Variants in TPD52L1 observed in about 807,000 individuals in gnomAD.
TPD52L1 encodes tumor protein D53.
Under a neutral mutation model 28.7 loss-of-function variants are expected in TPD52L1, and 18 were observed. That is an observed-to-expected ratio of 0.63 (90% CI 0.43 to 0.93). The LOEUF (loss-of-function observed/expected upper bound fraction) is 0.93, where lower values mean the gene tolerates loss of function less well. Ranked by LOEUF, TPD52L1 falls within the 40% of genes least tolerant of loss-of-function variation. The probability of loss-of-function intolerance (pLI) is 0.00; values close to 1 mark genes in which losing one functional copy is unlikely to be tolerated. For synonymous variants in TPD52L1, 75 were observed against 88.8 expected (o/e 0.84, Z 0.88); for missense variants, 203 against 254.8 (o/e 0.80, Z 1.39).
At chr6:125,154,087 A>T in intron 1 of TPD52L1, 117 bp downstream of exon 1, 1 of 1,452,766 alleles carries the variant, frequency 6.9e-7, no homozygotes, top group Non-Finnish European at 9.2e-7. Context: ...TTGCACATCC[A>T]GAACTCCACT....
At chr6:125,222,218 A>G (rs1795288393) in intron 2 of TPD52L1, among the ~76,000 whole-genome samples, 1 of 152,252 alleles carries the variant, frequency 6.6e-6, no homozygotes. Flanking sequence ...ACAAGGACAC[A>G]TAGAAAGCCA....
rs535570308 is a variant in TPD52L1, at chr6:125,175,523, G to T, written c.19+21553G>T. Among the ~76,000 whole-genome samples, 70 of 152,164 alleles carry T rather than the reference G, an allele frequency of 4.6e-4. 1 individual carries two copies. The highest frequency in any genetic ancestry group is 1.4e-3 in the African/African-American group (58 of 41,500). On this transcript the variant is annotated intron_variant, in intron 1 of 6. Transcript: ENST00000534000. The stretch of plus-strand genomic sequence containing the variant: ...GTGTCAACATAAAGATAGAATCTAG[G>T]GTAGAACTAAGTTACCCTTCTTAAG...
chr6:125,211,718 A>G (rs1794528395), intron 1 of TPD52L1, among the ~76,000 whole-genome samples: 1 of 152,226 alleles, frequency 6.6e-6, no homozygotes, highest in Non-Finnish European at 1.5e-5. Context: ...GGGGATATAC[A>G]TCTCCCGTGG....
chr6:125,221,555 G>A (rs995731850), intron 2 of TPD52L1, among the ~76,000 whole-genome samples: 2 of 152,038 alleles, frequency 1.3e-5, no homozygotes, highest in Admixed American at 6.6e-5. Context: ...TATTTTTCTG[G>A]GCTGTAGGAT....
In TPD52L1 at chr6:125,262,939, A is replaced by G; in HGVS notation, c.592A>G (p.Lys198Glu). 1 of 1,614,068 alleles carries G rather than the reference A, an allele frequency of 6.2e-7. No homozygotes were observed. The highest frequency in any genetic ancestry group is 8.5e-7 in the Non-Finnish European group (1 of 1,179,974). The change falls in exon 7 of 7, where the codon AAG becomes GAG. Residue 198 changes from lysine to glutamate, a missense_variant. Physicochemically the swap from Lys to Glu is moderately conservative, Grantham distance 56 (BLOSUM62 1). Transcript: ENST00000534000. ...CTTGGCAGGAGGCTCCCGGCGGACC[A>G]AGGAGGAGGAGCTGCAGTGCTAAGT... ...QSLAGGSRRT[K>E]EEELQC
At chr6:125,165,966 G>A (rs536678417) in intron 1 of TPD52L1, among the ~76,000 whole-genome samples, 40 of 152,282 alleles carry the variant, frequency 2.6e-4, no homozygotes, top group Non-Finnish European at 5.1e-4. Flanking sequence ...TAGGATCTGC[G>A]TGCTTGTTTC....
At chr6:125,249,688 T>C (rs1797145945) in intron 4 of TPD52L1, among the ~76,000 whole-genome samples, 1 of 121,790 alleles carries the variant, frequency 8.2e-6, no homozygotes, top group Non-Finnish European at 1.6e-5. Flanking sequence ...TGAGACTCTG[T>C]CTCAAAAAAA....
intron 1 of TPD52L1, among the ~76,000 whole-genome samples, chr6:125,183,638 T>C (rs1304722520): frequency 6.6e-6 from 1 of 152,188 alleles, no homozygotes; most frequent in Non-Finnish European, 1.5e-5. Flanking sequence ...TTAAGGGAAG[T>C]ATTTTTAATG....
intron 3 of TPD52L1, among the ~76,000 whole-genome samples, chr6:125,243,532 T>C (rs1014170046): frequency 6.6e-6 from 1 of 152,036 alleles, no homozygotes; most frequent in African/African-American, 2.4e-5. Flanking sequence ...TTGTGTTAAT[T>C]TGAAAGCCTT....
At chr6:125,183,590 T>C (rs1281293918) in intron 1 of TPD52L1, among the ~76,000 whole-genome samples, 3 of 152,204 alleles carry the variant, frequency 2.0e-5, no homozygotes, top group Non-Finnish European at 2.9e-5. Context: ...TAGAAGCACA[T>C]GATGTAGTTC....
chr6:125,171,767 G>A (rs907671666), intron 1 of TPD52L1, among the ~76,000 whole-genome samples: 1 of 152,158 alleles, frequency 6.6e-6, no homozygotes, highest in Non-Finnish European at 1.5e-5. Flanking sequence ...ATGAGACCCT[G>A]GGCAGAGGAC....
At chr6:125,210,773 G>A (rs1043440900) in intron 1 of TPD52L1, among the ~76,000 whole-genome samples, 2 of 152,184 alleles carry the variant, frequency 1.3e-5, no homozygotes, top group African/African-American at 4.8e-5. Context: ...CAGACACTGT[G>A]TTAGGCATTT....
At chr6:125,166,325 A>C (rs1338144764) in intron 1 of TPD52L1, among the ~76,000 whole-genome samples, 1 of 152,190 alleles carries the variant, frequency 6.6e-6, no homozygotes, top group Non-Finnish European at 1.5e-5. Flanking sequence ...GTTTTCCAAA[A>C]TGGACTCATT....
intron 1 of TPD52L1, among the ~76,000 whole-genome samples, chr6:125,164,705 G>A (rs936197482): frequency 1.3e-5 from 2 of 151,536 alleles, no homozygotes; most frequent in African/African-American, 4.9e-5. Flanking sequence ...AACCATACTA[G>A]CAGAATAACT....
intron 1 of TPD52L1, among the ~76,000 whole-genome samples, chr6:125,167,083 C>T (rs975108885): frequency 6.6e-6 from 1 of 151,996 alleles, no homozygotes; most frequent in Non-Finnish European, 1.5e-5. Context: ...ATAGCAAGAC[C>T]TCGTCTCTAC....
At chr6:125,161,546 T>G (rs1388587913) in intron 1 of TPD52L1, among the ~76,000 whole-genome samples, 1 of 152,222 alleles carries the variant, frequency 6.6e-6, no homozygotes, top group Non-Finnish European at 1.5e-5. Context: ...TGTCTCTATG[T>G]TTCACTTGAA....
chr6:125,233,148 A>G (rs189653551), intron 3 of TPD52L1, among the ~76,000 whole-genome samples: 1 of 152,332 alleles, frequency 6.6e-6, no homozygotes, highest in Admixed American at 6.5e-5. Context: ...GAATCGTGCC[A>G]CAATCTAAAT....
chr6:125,249,206 T>C (rs759213917), intron 4 of TPD52L1, among the ~76,000 whole-genome samples: 1 of 151,652 alleles, frequency 6.6e-6, no homozygotes, highest in Non-Finnish European at 1.5e-5. Flanking sequence ...ATACCAGTCA[T>C]AGTTTTATTT....
intron 1 of TPD52L1, among the ~76,000 whole-genome samples, chr6:125,173,459 C>T (rs918400479): frequency 7.2e-5 from 11 of 152,132 alleles, no homozygotes; most frequent in Non-Finnish European, 1.5e-4. Context: ...GCAGAGAGTG[C>T]CCTGGCCCAA....
Sources: allele counts gnomAD v4.1 joint callset (sites outside exome capture counted in the v4.1 genomes callset), GRCh38; gene constraint gnomAD v4.1.1; transcripts MANE v1.5; gene names NCBI Gene and HGNC (gene_info 2026-07-23, HGNC 2026-07-21).